LINGO2: variants seen among roughly 807,000 people sequenced by gnomAD.
The protein encoded by LINGO2 is leucine rich repeat and Ig domain containing 2, also known as leucine-rich repeat and immunoglobulin-like domain-containing nogo receptor-interacting protein 2.
In LINGO2, 14 loss-of-function variants were observed where a neutral mutation model predicts 30.6. The observed-to-expected ratio is 0.46, with a 90% CI of 0.30 to 0.72. LINGO2 has a LOEUF of 0.72. Among genes scored for constraint, LINGO2 ranks in the 30% least tolerant of loss-of-function variants. The pLI is 0.07. For missense variants in LINGO2, 729 were observed against 751.7 expected (o/e 0.97, Z 0.35); for synonymous variants, 317 against 288.5 (o/e 1.10, Z -1.00).
At chr9:28,478,840 T>C (rs1587727905) in intron 1 of LINGO2, among the ~76,000 whole-genome samples, 1 of 152,184 alleles carries the variant, frequency 6.6e-6, no homozygotes, top group South Asian at 2.1e-4. Context: ...TGCAGACACC[T>C]TTAAATTTAA....
At chr9:28,903,607 C>A in the LINGO2 span, among the ~76,000 whole-genome samples, 1 of 152,096 alleles carries the variant, frequency 6.6e-6, no homozygotes, top group Non-Finnish European at 1.5e-5. Flanking sequence ...TCTGGAGTAG[C>A]TGGGACTACA....
At chr9:28,533,868 T>C (rs1412807013) in intron 1 of LINGO2, among the ~76,000 whole-genome samples, 1 of 152,222 alleles carries the variant, frequency 6.6e-6, no homozygotes, top group Non-Finnish European at 1.5e-5. Flanking sequence ...ATTTTTCTGT[T>C]CATGACATTA....
the LINGO2 span, among the ~76,000 whole-genome samples, chr9:29,009,118 C>T: frequency 6.1e-3 from 935 of 152,112 alleles, 10 homozygotes; most frequent in Non-Finnish European, 9.7e-3. Flanking sequence ...CTTTGAAAAC[C>T]GGCACAAGAC....
chr9:28,816,920 C>T, the LINGO2 span, among the ~76,000 whole-genome samples: 1 of 151,972 alleles, frequency 6.6e-6, no homozygotes, highest in African/African-American at 2.4e-5. Context: ...ATTTTTTTTC[C>T]AATTCCCTAA....
At chr9:29,096,348 A>G in the LINGO2 span, among the ~76,000 whole-genome samples, 2 of 139,280 alleles carry the variant, frequency 1.4e-5, 1 homozygote, top group Non-Finnish European at 3.1e-5. Context: ...TGCAGTGGCG[A>G]AATTTTCACT....
chr9:28,101,527 A>G (rs1826415766), intron 4 of LINGO2, among the ~76,000 whole-genome samples: 1 of 152,194 alleles, frequency 6.6e-6, no homozygotes, highest in Non-Finnish European at 1.5e-5. Flanking sequence ...GTAAATTAGA[A>G]CAACTTTTCA....
rs150327033 is a variant in LINGO2, at chr9:28,457,840, G to A, written c.-279+18100C>T. Among the ~76,000 whole-genome samples the A allele has an allele frequency of 1.2e-3, 183 of 152,240 alleles. 2 individuals are homozygous for A. The highest frequency in any genetic ancestry group is 4.2e-3 in the African/African-American group (176 of 41,552). On this transcript the variant is annotated intron_variant, in intron 2 of 5. Transcript: ENST00000379992. ...CATTAATGGTCTCCTTTTCTTTCCTGTCATTGCTATTTTCTTTTCCCCTCA... is the reference window on the plus strand; with the variant it reads ...CATTAATGGTCTCCTTTTCTTTCCTATCATTGCTATTTTCTTTTCCCCTCA...
chr9:28,123,010 G>C (rs1467918777), intron 4 of LINGO2, among the ~76,000 whole-genome samples: 1 of 151,892 alleles, frequency 6.6e-6, no homozygotes, highest in Non-Finnish European at 1.5e-5. Context: ...TTATTTGTTG[G>C]TTTTCTATCT....
the LINGO2 span, among the ~76,000 whole-genome samples, chr9:29,002,353 A>AGGGT: frequency 6.6e-6 from 1 of 152,072 alleles, no homozygotes; most frequent in East Asian, 1.9e-4. Flanking sequence ...ATGTCTCAGG[A>AGGGT]GGGTACAGAG....
At chr9:28,073,340 A>G (rs72724971) in intron 4 of LINGO2, among the ~76,000 whole-genome samples, 6,606 of 152,234 alleles carry the variant, frequency 0.043, 185 homozygotes, top group Middle Eastern at 0.095. Context: ...GTTTCCTTGT[A>G]GGGATACCAT....
At chr9:28,751,768 G>T in the LINGO2 span, among the ~76,000 whole-genome samples, 1 of 151,756 alleles carries the variant, frequency 6.6e-6, no homozygotes. Flanking sequence ...CCTAACTCAG[G>T]TTCCTTATTT....
intron 1 of LINGO2, among the ~76,000 whole-genome samples, chr9:28,655,992 A>C (rs1370378230): frequency 1.3e-5 from 2 of 152,098 alleles, no homozygotes; most frequent in Admixed American, 6.6e-5. Flanking sequence ...TAGTAACCAC[A>C]ATGCCAAGTG....
chr9:27,956,919 C>T (rs977533966), intron 5 of LINGO2, among the ~76,000 whole-genome samples: 4 of 151,924 alleles, frequency 2.6e-5, no homozygotes, highest in East Asian at 3.9e-4. Context: ...AGAGCAAGAT[C>T]TCATATCTAC....
chr9:28,745,862 T>C, the LINGO2 span, among the ~76,000 whole-genome samples: 6 of 151,998 alleles, frequency 3.9e-5, no homozygotes, highest in African/African-American at 7.3e-5. Flanking sequence ...GTATCACTTA[T>C]AGCAAAAATT....
At chr9:28,876,430 G>A in the LINGO2 span, among the ~76,000 whole-genome samples, 5 of 148,690 alleles carry the variant, frequency 3.4e-5, no homozygotes, top group Admixed American at 3.4e-4. Context: ...TCCCCAGAGT[G>A]TGATGCTCCC....
chr9:28,486,038 TAA>T (rs959036899), intron 1 of LINGO2, among the ~76,000 whole-genome samples: 6 of 152,100 alleles, frequency 3.9e-5, no homozygotes, highest in African/African-American at 1.4e-4. Flanking sequence ...TTGGAATGAC[TAA>T]CTTTTTGGTA....
At chr9:29,051,381 G>A in the LINGO2 span, among the ~76,000 whole-genome samples, 1 of 152,190 alleles carries the variant, frequency 6.6e-6, no homozygotes, top group African/African-American at 2.4e-5. Context: ...ACAGTATGTA[G>A]TGTTTTCAAT....
the LINGO2 span, among the ~76,000 whole-genome samples, chr9:28,920,153 C>T: frequency 0.09 from 13,703 of 152,028 alleles, 713 homozygotes; most frequent in South Asian, 0.16. Context: ...AAGGCATAGA[C>T]GTTGTAAGTC....
At chr9:28,743,082 T>G in the LINGO2 span, among the ~76,000 whole-genome samples, 1 of 152,072 alleles carries the variant, frequency 6.6e-6, no homozygotes, top group Non-Finnish European at 1.5e-5. Flanking sequence ...ATGACTTCTT[T>G]AGTATTTTTT....
Sources: allele counts gnomAD v4.1 joint callset (sites outside exome capture counted in the v4.1 genomes callset), GRCh38; gene constraint gnomAD v4.1.1; transcripts MANE v1.5; gene names NCBI Gene and HGNC (gene_info 2026-07-23, HGNC 2026-07-21).